Variants in THSD7A observed in about 807,000 individuals in gnomAD.
The protein encoded by THSD7A is thrombospondin type-1 domain-containing protein 7A.
Under a neutral mutation model 231.3 loss-of-function variants are expected in THSD7A, and 96 were observed. That is an observed-to-expected ratio of 0.41 (90% CI 0.35 to 0.49). The LOEUF is 0.49. Among genes scored for constraint, THSD7A ranks in the 20% least tolerant of loss-of-function variants. THSD7A has a pLI of 0.05. For missense variants in THSD7A, 2,290 were observed against 2,070.2 expected, an observed-to-expected ratio of 1.11 and a Z score of -2.06; for synonymous variants, 940 against 743.3, an observed-to-expected ratio of 1.26 and a Z score of -4.30.
rs568354576 is a variant in THSD7A at position 11,467,309 on chromosome 7, GCT to G, written c.2368+2568_2368+2569del. Among the ~76,000 whole-genome samples the G allele has an allele frequency of 7.0e-3, 1,068 of 152,016 alleles. 5 individuals are homozygous for G. Among genetic ancestry groups the G allele is most frequent in the Non-Finnish European group, 0.011 (742 of 67,974 alleles). ...TGATTATTCCATTCCCTTCCTTAGA[GCT>G]CTTTGTGTTTTACCATTAAATTTTG... On this transcript the variant is annotated intron_variant, in intron 9 of 27. Coordinates refer to ENST00000423059, the MANE Select transcript of THSD7A (RefSeq NM_015204.3).
rs1204333122 is a variant in THSD7A at position 11,474,483 on chromosome 7, A to C, written c.2103T>G (p.Thr701=). ...CCTCAATGCACTGGCCCCAGGGACCAGTTTGCCAGTGGTACACTGTGCAAG... is the reference window on the plus strand; with the variant it reads ...CCTCAATGCACTGGCCCCAGGGACCCGTTTGCCAGTGGTACACTGTGCAAG... The part of the protein sequence containing the change: ...EHPCTVYHWQ[T]GPWGQCIEDT... Residue 701 remains threonine, a synonymous_variant, in exon 8 of 28, where the codon ACT becomes ACG. Coordinates refer to ENST00000423059, the MANE Select transcript of THSD7A (RefSeq NM_015204.3). This position sits in a 1 kb window ranked among gnomAD's most constrained non-coding sequence, Gnocchi z 4.1. 1 of 1,613,608 alleles carries C rather than the reference A, an allele frequency of 6.2e-7. No individual in the cohort carries two copies. The highest frequency in any genetic ancestry group is 2.2e-5 in the East Asian group (1 of 44,818).
At chr7:11,723,040 C>A (rs36201045) in intron 1 of THSD7A, among the ~76,000 whole-genome samples, 1 of 151,732 alleles carries the variant, frequency 6.6e-6, no homozygotes, top group Non-Finnish European at 1.5e-5. Flanking sequence ...ATGTTTATTG[C>A]GGCACTATTC....
At chr7:11,774,687 TA>T in intron 1 of THSD7A, among the ~76,000 whole-genome samples, 1 of 152,316 alleles carries the variant, frequency 6.6e-6, no homozygotes, top group South Asian at 2.1e-4. Context: ...ATAAAGTTGT[TA>T]AAAAATAAAA....
chr7:11,642,544 G>A (rs1584133816), intron 1 of THSD7A, among the ~76,000 whole-genome samples: 2 of 152,118 alleles, frequency 1.3e-5, no homozygotes, highest in East Asian at 1.9e-4. Flanking sequence ...CAGATTTTAT[G>A]TAAATCCAGA....
intron 4 of THSD7A, among the ~76,000 whole-genome samples, chr7:11,549,042 CTTAAAT>C (rs1299129986): frequency 1.3e-5 from 2 of 151,988 alleles, no homozygotes; most frequent in Non-Finnish European, 2.9e-5. Context: ...CTACAAGGAA[CTTAAAT>C]TTAAAAGAAA....
chr7:11,662,032 T>C (rs1165773009), intron 1 of THSD7A, among the ~76,000 whole-genome samples: 4 of 150,726 alleles, frequency 2.7e-5, no homozygotes, highest in African/African-American at 9.7e-5. Context: ...CTAATAAAAA[T>C]AATCAGAGAA....
chr7:11,764,018 TTC>T (rs1357832194), intron 1 of THSD7A, among the ~76,000 whole-genome samples: 2 of 152,198 alleles, frequency 1.3e-5, no homozygotes, highest in African/African-American at 2.4e-5. Flanking sequence ...GCATCATCCT[TTC>T]TCTGTTTTTC....
intron 2 of THSD7A, among the ~76,000 whole-genome samples, chr7:11,596,541 G>A (rs889310360): frequency 9.9e-5 from 15 of 152,098 alleles, no homozygotes; most frequent in African/African-American, 3.6e-4. Flanking sequence ...CTATTATGGT[G>A]GGAAAGGCCA....
intron 1 of THSD7A, among the ~76,000 whole-genome samples, chr7:11,760,954 T>C (rs1466293919): frequency 1.3e-5 from 2 of 148,244 alleles, no homozygotes; most frequent in East Asian, 3.9e-4. Context: ...TATTTATAAA[T>C]TATAAATTAT....
chr7:11,656,800 G>T (rs531910204), intron 1 of THSD7A, among the ~76,000 whole-genome samples: 1 of 151,964 alleles, frequency 6.6e-6, no homozygotes, highest in African/African-American at 2.4e-5. Context: ...AATACCTGAA[G>T]TCGGAAGGTG....
chr7:11,387,446 T>G (rs1485452203), intron 23 of THSD7A, among the ~76,000 whole-genome samples: 2 of 152,170 alleles, frequency 1.3e-5, no homozygotes, highest in Non-Finnish European at 2.9e-5. Context: ...TAGGTTGTAT[T>G]CCTAGGTATT....
chr7:11,512,958 T>C (rs1386186247), intron 6 of THSD7A, among the ~76,000 whole-genome samples: 1 of 140,788 alleles, frequency 7.1e-6, no homozygotes, highest in African/African-American at 2.8e-5. Flanking sequence ...TATATATATA[T>C]ATGTAAAATA....
chr7:11,662,566 C>T (rs1057211809), intron 1 of THSD7A, among the ~76,000 whole-genome samples: 4 of 151,264 alleles, frequency 2.6e-5, no homozygotes, highest in African/African-American at 7.3e-5. Context: ...AATTGGCATA[C>T]ACACACACAT....
At chr7:11,768,740 T>G (rs1018196550) in intron 1 of THSD7A, among the ~76,000 whole-genome samples, 1 of 152,140 alleles carries the variant, frequency 6.6e-6, no homozygotes, top group African/African-American at 2.4e-5. Flanking sequence ...CAATTTATTC[T>G]ACGTTGTTAA....
At chr7:11,587,924 A>G (rs1451972534) in intron 4 of THSD7A, among the ~76,000 whole-genome samples, 1 of 152,080 alleles carries the variant, frequency 6.6e-6, no homozygotes, top group Non-Finnish European at 1.5e-5. Context: ...GGTCTTTTTC[A>G]CACCTTGGTT....
intron 1 of THSD7A, among the ~76,000 whole-genome samples, chr7:11,778,071 G>C (rs1783484147): frequency 6.9e-6 from 1 of 144,082 alleles, no homozygotes; most frequent in Non-Finnish European, 1.5e-5. Context: ...GCAGGAGAAT[G>C]GCGTGAACCC....
intron 1 of THSD7A, among the ~76,000 whole-genome samples, chr7:11,725,422 G>A (rs1781514139): frequency 6.6e-6 from 1 of 151,848 alleles, no homozygotes; most frequent in Non-Finnish European, 1.5e-5. Context: ...TGTTGTTAGG[G>A]TTATAAAAGA....
At chr7:11,732,740 G>C (rs183198014) in intron 1 of THSD7A, among the ~76,000 whole-genome samples, 2 of 151,878 alleles carry the variant, frequency 1.3e-5, no homozygotes, top group African/African-American at 4.8e-5. Flanking sequence ...TGTGGCAGCA[G>C]CCTTTGTAAG....
chr7:11,801,654 A>G (rs1157254367), intron 1 of THSD7A, among the ~76,000 whole-genome samples: 1 of 152,206 alleles, frequency 6.6e-6, no homozygotes, highest in Non-Finnish European at 1.5e-5. Flanking sequence ...AAGGTTTTCC[A>G]AAAGAACTGG....
Sources: allele counts gnomAD v4.1 joint callset (sites outside exome capture counted in the v4.1 genomes callset), GRCh38; gene constraint gnomAD v4.1.1; non-coding constraint Gnocchi (gnomAD v3.1); transcripts MANE v1.5; gene names NCBI Gene and HGNC (gene_info 2026-07-23, HGNC 2026-07-21).